The following EXT2 variants were observed in gnomAD, a reference collection of about 807,000 sequenced individuals.
The protein encoded by EXT2 is exostosin glycosyltransferase 2.
EXT2 carries 53 observed loss-of-function variants against 81.6 expected under a neutral mutation model. That is an observed-to-expected ratio of 0.65 (90% confidence interval 0.52 to 0.82). The LOEUF (loss-of-function observed/expected upper bound fraction) is 0.82, where lower values mean the gene tolerates loss of function less well. EXT2 is among the 40% of genes least tolerant of loss of function. The pLI, the probability that EXT2 is intolerant of heterozygous loss-of-function variation, is 0.00. For missense variants in EXT2, 774 were observed against 910.2 expected (o/e 0.85, Z 1.93); for synonymous variants, 320 against 340.0 (o/e 0.94, Z 0.65).
At chr11:44,237,444 T>C (rs770461516) in intron 13 of EXT2, among the ~76,000 whole-genome samples, 2 of 152,144 alleles carry the variant, frequency 1.3e-5, no homozygotes, top group Non-Finnish European at 2.9e-5. Flanking sequence ...TGAAATAATA[T>C]ATTATCACTG....
At chr11:44,243,047 G>A (rs1590674982) in intron 13 of EXT2, among the ~76,000 whole-genome samples, 1 of 152,178 alleles carries the variant, frequency 6.6e-6, no homozygotes. Context: ...ACATGATGAT[G>A]TTATGAGTTA....
chr11:44,224,330 G>A (rs1438075564), intron 10 of EXT2, among the ~76,000 whole-genome samples: 4 of 151,846 alleles, frequency 2.6e-5, no homozygotes, highest in Non-Finnish European at 5.9e-5. Context: ...ACTAGATGGA[G>A]TATATCTGGA....
chr11:44,133,775 G>T (rs1160750059), intron 7 of EXT2, among the ~76,000 whole-genome samples: 5 of 152,176 alleles, frequency 3.3e-5, no homozygotes, highest in African/African-American at 4.8e-5. Flanking sequence ...GAAATGTGGG[G>T]TAGGGTCTTG....
chr11:44,165,069 G>C (rs1204246898), intron 7 of EXT2, among the ~76,000 whole-genome samples: 1 of 151,696 alleles, frequency 6.6e-6, no homozygotes, highest in Non-Finnish European at 1.5e-5. Flanking sequence ...TAGTAGAGAC[G>C]GGGTTTCACC....
At chr11:44,156,667 T>A (rs147724508) in intron 7 of EXT2, among the ~76,000 whole-genome samples, 68 of 152,374 alleles carry the variant, frequency 4.5e-4, no homozygotes, top group African/African-American at 1.6e-3. Context: ...AGAGCTAATT[T>A]GAATTCTCTG....
Position 44,244,443 on chromosome 11 carries a change from G to C in EXT2, c.*156G>C. ...ACCTAACCCACTTTCTCAAGAACAA[G>C]AACCTAGAATGAATATCCAAGCACC... is the stretch of plus-strand genomic sequence containing the variant. On this transcript the variant is annotated 3_prime_UTR_variant, in exon 14 of 14. Transcript: ENST00000533608. 1.4e-6 allele frequency: 1 copy of C among 715,082 alleles called. No homozygotes were observed. Among genetic ancestry groups the C allele is most frequent in the Non-Finnish European group, 2.4e-6 (1 of 415,034 alleles). The allele number at this position is 715,082 out of a possible 1,614,324, so 44.3% of individuals were successfully genotyped here. A position where few individuals can be genotyped will look rare whatever the true frequency, so the allele number is the denominator to read the frequency against.
chr11:44,107,540 C>T (rs530104253), intron 1 of EXT2, 143 bp from the exon 2 acceptor site: 9 of 750,600 alleles, frequency 1.2e-5, no homozygotes, highest in Admixed American at 2.9e-5. Flanking sequence ...GCTGAGATTG[C>T]ACCACTGCAC....
At chr11:44,195,383 G>T (rs186208158) in intron 8 of EXT2, among the ~76,000 whole-genome samples, 81 of 151,850 alleles carry the variant, frequency 5.3e-4, no homozygotes, top group Non-Finnish European at 1.0e-3. Context: ...GAGGTGAGCC[G>T]AGATTGCACC....
Position 44,203,225 on chromosome 11 carries a change from T to C in EXT2, c.1496-3568T>C, listed in dbSNP as rs922648821. Among the ~76,000 whole-genome samples the C allele has an allele frequency of 5.3e-5, 8 of 152,200 alleles. No homozygotes were observed. The East Asian group carries it at 9.6e-4, about 18-fold the overall frequency. ...GTTCATTCTGGAGACAGAAACCACA[T>C]GATAATTTGAACAGGAAAAATTTAA... On this transcript the variant is annotated intron_variant, in intron 9 of 13. Transcript: ENST00000533608.
At chr11:44,134,794 T>A (rs997546007) in intron 7 of EXT2, among the ~76,000 whole-genome samples, 11 of 152,204 alleles carry the variant, frequency 7.2e-5, no homozygotes, top group Admixed American at 6.5e-4. Flanking sequence ...AGCAGTGACC[T>A]CTAACCTCAG....
At chr11:44,135,566 A>G (rs957364026) in intron 7 of EXT2, among the ~76,000 whole-genome samples, 5 of 151,918 alleles carry the variant, frequency 3.3e-5, no homozygotes. Context: ...TAATTTTGGT[A>G]TTTTTAGTAG....
chr11:44,112,831 C>G (rs1476756257), intron 3 of EXT2, among the ~76,000 whole-genome samples: 1 of 152,228 alleles, frequency 6.6e-6, no homozygotes, highest in East Asian at 1.9e-4. Context: ...CTTCCTTTCT[C>G]TGCACATACA....
chr11:44,107,301 A>G (rs991604245), intron 1 of EXT2, among the ~76,000 whole-genome samples: 1 of 152,168 alleles, frequency 6.6e-6, no homozygotes, highest in African/African-American at 2.4e-5. Flanking sequence ...AAATAGGTAC[A>G]TTAAAAGTAG....
intron 8 of EXT2, among the ~76,000 whole-genome samples, chr11:44,187,344 A>AT (rs1173837877): frequency 2.8e-3 from 416 of 147,142 alleles, no homozygotes; most frequent in East Asian, 0.018. Context: ...TATCCAGCTA[A>AT]TTTTTTTTTT....
intron 8 of EXT2, among the ~76,000 whole-genome samples, chr11:44,191,445 C>T (rs1955390581): frequency 6.6e-6 from 1 of 152,218 alleles, no homozygotes; most frequent in Admixed American, 6.5e-5. Context: ...TGAGCTTTGC[C>T]TCTTCTCCAG....
At chr11:44,101,880 G>A (rs539589767) in intron 1 of EXT2, among the ~76,000 whole-genome samples, 3 of 149,994 alleles carry the variant, frequency 2.0e-5, no homozygotes, top group African/African-American at 7.4e-5. Flanking sequence ...ACTCTGATGC[G>A]AATAGAACAT....
At chr11:44,197,709 C>A in intron 8 of EXT2, 120 bp from the exon 9 acceptor site, 1 of 995,222 alleles carries the variant, frequency 1.0e-6, no homozygotes, top group Non-Finnish European at 1.6e-6. Context: ...AGTTGCTTAG[C>A]TCTGGGATCT....
chr11:44,206,125 T>G (rs963799453), intron 9 of EXT2, among the ~76,000 whole-genome samples: 1 of 152,090 alleles, frequency 6.6e-6, no homozygotes, highest in Non-Finnish European at 1.5e-5. Context: ...CCAAACCTAG[T>G]GAGTTGAGGG....
Position 44,180,900 on chromosome 11 carries a change from A to T in EXT2, c.1305+9158A>T, listed in dbSNP as rs369485346. ...GCGGATCACCTGAGGTCAGGAGTTC[A>T]AGACCAGCCTGGCCAACATGGCGAA... On this transcript the variant is annotated intron_variant, in intron 8 of 13. Coordinates refer to ENST00000533608, the MANE Select transcript of EXT2 (RefSeq NM_207122.2). Among the ~76,000 whole-genome samples, 23 of 152,182 alleles carry T rather than the reference A, an allele frequency of 1.5e-4. No individual in the cohort carries two copies. In the East Asian group the frequency reaches 4.3e-3, roughly 28 times the overall value.
Sources: gnomAD v4.1 joint callset for allele counts (sites outside exome capture counted in the v4.1 genomes callset) on GRCh38, gnomAD v4.1.1 for gene constraint, MANE v1.5 for transcripts, NCBI Gene and HGNC (gene_info 2026-07-23, HGNC 2026-07-21) for gene names.